Variants in NUDT1 observed in about 807,000 individuals in gnomAD.
The protein encoded by NUDT1 is nudix hydrolase 1, also known as oxidized purine nucleoside triphosphate hydrolase.
A neutral mutation model predicts 11.3 loss-of-function variants in NUDT1; 16 were observed. That is an observed-to-expected ratio of 1.41 (90% CI 0.96 to 2.15). The LOEUF (loss-of-function observed/expected upper bound fraction) is 2.15. Ranked by LOEUF, NUDT1 falls within the 30% of genes most tolerant of loss-of-function variation. NUDT1 has a pLI of 0.00. For missense variants in NUDT1, 234 were observed against 208.4 expected (o/e 1.12, Z -0.76); for synonymous variants, 101 against 84.4 (o/e 1.20, Z -1.08).
chr7:2,250,530 T>A (rs1007427338), intron 3 of NUDT1, among the ~76,000 whole-genome samples: 4 of 152,240 alleles, frequency 2.6e-5, no homozygotes, highest in African/African-American at 9.6e-5. Context: ...CAATCTCGGC[T>A]CACTGCAAGC....
chr7:2,244,749 C>CTGT, intron 2 of NUDT1, 23 bp downstream of exon 2: 1 of 1,595,880 alleles, frequency 6.3e-7, no homozygotes, highest in Non-Finnish European at 8.5e-7. Flanking sequence ...CAGGTCTGGC[C>CTGT]ATAGAACCGG....
rs144573336 is a variant in NUDT1, at chr7:2,244,579, G to A, written c.5G>A (p.Gly2Asp). 4 of 1,577,570 alleles carry A rather than the reference G, an allele frequency of 2.5e-6. No homozygotes were observed. Among genetic ancestry groups the A allele is most frequent in the Non-Finnish European group, 3.4e-6 (4 of 1,159,744 alleles). Residue 2 changes from glycine (G) to aspartate (D), a missense_variant, in exon 2 of 4, where the codon GGC (glycine) becomes GAC (aspartate). Coordinates refer to ENST00000356714, the MANE Select transcript of NUDT1 (RefSeq NM_002452.4). The stretch of plus-strand genomic sequence containing the variant: ...TCCTTTCAGAACCCAGGGACCATGG[G>A]CGCCTCCAGGCTCTATACCCTGGTG... M[G>D]ASRLYTLVLV...
At chr7:2,248,565 T>G (rs1305954674) in intron 2 of NUDT1, among the ~76,000 whole-genome samples, 5 of 137,628 alleles carry the variant, frequency 3.6e-5, no homozygotes, top group Non-Finnish European at 8.1e-5. Flanking sequence ...TTTTTTTTTT[T>G]TTTTAAGACA....
At chr7:2,245,868 C>G (rs1794748271) in intron 2 of NUDT1, among the ~76,000 whole-genome samples, 1 of 151,638 alleles carries the variant, frequency 6.6e-6, no homozygotes, top group Non-Finnish European at 1.5e-5. Context: ...ATCCACTAAG[C>G]CGATTTCCCG....
At chr7:2,250,474 T>G (rs1794950510) in intron 3 of NUDT1, among the ~76,000 whole-genome samples, 1 of 152,236 alleles carries the variant, frequency 6.6e-6, no homozygotes, top group African/African-American at 2.4e-5. Flanking sequence ...TGTTGTTGTT[T>G]TGAGACGAAG....
chr7:2,243,193 CT>C, intron 1 of NUDT1: 1 of 570,508 alleles, frequency 1.8e-6, no homozygotes, highest in East Asian at 2.9e-5. Context: ...CGGCTTGTGT[CT>C]CTGCCCACTA....
chr7:2,244,504 T>G, intron 1 of NUDT1, 59 bp from the exon 2 acceptor site: 6 of 1,017,996 alleles, frequency 5.9e-6, no homozygotes, highest in Non-Finnish European at 5.3e-6. Context: ...TCCTGGCCCC[T>G]GGCACGTGCT....
Position 2,251,046 on chromosome 7 carries a change from C to T in NUDT1, c.*45C>T, listed in dbSNP as rs1377123533. ...CTGGGCAGGAGACGTGGCTGCTGAA[C>T]AGCCGCAAACCATCTTCACCTGGGG... On this transcript the variant is annotated 3_prime_UTR_variant, in exon 4 of 4. Coordinates refer to ENST00000356714, the MANE Select transcript of NUDT1 (RefSeq NM_002452.4). The T allele has an allele frequency of 1.2e-6, 2 of 1,600,460 alleles. No homozygotes were observed. The highest frequency in any genetic ancestry group is 1.3e-5 in the African/African-American group (1 of 74,700).
chr7:2,242,679 C>T (rs1346809235), intron 1 of NUDT1: 2 of 392,164 alleles, frequency 5.1e-6, no homozygotes, highest in African/African-American at 4.1e-5. Flanking sequence ...GAAGGGCGTG[C>T]GATGAGGATG....
chr7:2,245,089 G>A (rs1399510855), intron 2 of NUDT1, among the ~76,000 whole-genome samples: 2 of 152,112 alleles, frequency 1.3e-5, no homozygotes, highest in East Asian at 1.9e-4. Flanking sequence ...CGAAGGGCTC[G>A]TCAGTCACTT....
In NUDT1 at chr7:2,243,588, C is replaced by T. The variant is rs1180950491; in HGVS notation, c.-12-975C>T. Reference sequence around the variant, plus strand: ...AGGAGTTCGTGACCAGCCTGGGCAACGTGACAAAACCCCATCTCTACTAAA... The same window carrying T: ...AGGAGTTCGTGACCAGCCTGGGCAATGTGACAAAACCCCATCTCTACTAAA... On this transcript the variant is annotated intron_variant, in intron 1 of 3. Coordinates refer to ENST00000356714, the MANE Select transcript of NUDT1 (RefSeq NM_002452.4). Among the ~76,000 whole-genome samples the T allele has an allele frequency of 2.6e-5, 4 of 152,128 alleles. No homozygotes were observed. The East Asian group carries it at 5.8e-4, about 22-fold the overall frequency.
At chr7:2,248,821 G>T (rs981043903) in intron 2 of NUDT1, among the ~76,000 whole-genome samples, 5 of 152,166 alleles carry the variant, frequency 3.3e-5, no homozygotes, top group Non-Finnish European at 7.4e-5. Context: ...CTCCAAAAAT[G>T]CTGGGATTAC....
Position 2,251,041 on chromosome 7 carries a change from C to T in NUDT1, c.*40C>T, listed in dbSNP as rs756663427. 2 of 1,605,894 alleles carry T rather than the reference C, an allele frequency of 1.2e-6. No individual in the cohort carries two copies. The highest frequency in any genetic ancestry group is 2.2e-5 in the East Asian group (1 of 44,796). ...AGCCCCTGGGCAGGAGACGTGGCTG[C>T]TGAACAGCCGCAAACCATCTTCACC... On this transcript the variant is annotated 3_prime_UTR_variant, in exon 4 of 4. Transcript: ENST00000356714.
intron 1 of NUDT1, chr7:2,242,731 G>A: frequency 2.1e-6 from 1 of 468,848 alleles, no homozygotes; most frequent in Admixed American, 3.5e-5. Flanking sequence ...GCCTCTAGGG[G>A]AACATACAGA....
At chr7:2,244,842 T>G in intron 2 of NUDT1, 116 bp downstream of exon 2, 1 of 1,256,608 alleles carries the variant, frequency 8.0e-7, no homozygotes. Context: ...GAGCAGGGGG[T>G]TAAGCGTGAG....
intron 2 of NUDT1, among the ~76,000 whole-genome samples, chr7:2,245,531 G>T (rs1322450408): frequency 4.6e-5 from 7 of 152,158 alleles, no homozygotes; most frequent in Non-Finnish European, 7.3e-5. Flanking sequence ...AAAGTAAGTT[G>T]CAGTAGCCGC....
intron 2 of NUDT1, among the ~76,000 whole-genome samples, chr7:2,245,736 C>A (rs1416968057): frequency 3.3e-5 from 5 of 152,052 alleles, no homozygotes; most frequent in Non-Finnish European, 5.9e-5. Context: ...TTTTTTAATT[C>A]TTTGTAGAGA....
rs750323979 is a variant in NUDT1, at chr7:2,250,820, T to G, written c.299-9T>G. The G allele has an allele frequency of 5.3e-5, 86 of 1,613,852 alleles. No individual in the cohort carries two copies. The African/African-American group carries it at 1.1e-3, about 20-fold the overall frequency. ...CACCTCAGTGCCTCCTCTTCCCCCATTGGTACAGAAATGCGCCCATGCTGG... is the reference window on the plus strand; with the variant it reads ...CACCTCAGTGCCTCCTCTTCCCCCAGTGGTACAGAAATGCGCCCATGCTGG... On this transcript the variant is annotated splice_polypyrimidine_tract_variant and intron_variant, in intron 3 of 3. Coordinates refer to ENST00000356714, the MANE Select transcript of NUDT1 (RefSeq NM_002452.4).
At chr7:2,244,462 C>A in intron 1 of NUDT1, 101 bp from the exon 2 acceptor site, 1 of 921,628 alleles carries the variant, frequency 1.1e-6, no homozygotes, top group Middle Eastern at 3.5e-4. Context: ...ACCCCCCCGC[C>A]CCCCACTGCC....
Sources: gnomAD v4.1 joint callset for allele counts (sites outside exome capture counted in the v4.1 genomes callset) on GRCh38, gnomAD v4.1.1 for gene constraint, MANE v1.5 for transcripts, NCBI Gene and HGNC (gene_info 2026-07-23, HGNC 2026-07-21) for gene names.